The following RCC2 variants were observed in gnomAD, a reference collection of about 807,000 sequenced individuals.
The protein encoded by RCC2 is regulator of chromosome condensation 2, also known as protein RCC2.
Under a neutral mutation model 64.1 loss-of-function variants are expected in RCC2, and 19 were observed. The ratio of observed to expected loss-of-function variants is 0.30; its 90% CI spans 0.21 to 0.44. The LOEUF (loss-of-function observed/expected upper bound fraction) is 0.44. RCC2 is among the 20% of genes least tolerant of loss of function. The pLI is 1.00. For missense variants in RCC2, 508 were observed against 710.4 expected, an observed-to-expected ratio of 0.72 and a Z score of 3.24; for synonymous variants, 325 against 279.6, an observed-to-expected ratio of 1.16 and a Z score of -1.62.
In RCC2 at chr1:17,409,080, T is replaced by C. The variant is rs958710872; in HGVS notation, c.*10A>G. On this transcript the variant is annotated 3_prime_UTR_variant, in exon 13 of 13. Coordinates refer to ENST00000375436, the MANE Select transcript of RCC2 (RefSeq NM_018715.4). ...CGAGAGGTGTGGAGTCGGAGGAGTC[T>C]CCGGGAGCATCAGAGGGTTCGGGGG... The C allele has an allele frequency of 6.3e-7, 1 of 1,590,390 alleles. No individual in the cohort carries two copies. The highest frequency in any genetic ancestry group is 1.3e-5 in the African/African-American group (1 of 74,516).
intron 2 of RCC2, among the ~76,000 whole-genome samples, chr1:17,431,799 A>G (rs918369039): frequency 6.6e-6 from 1 of 151,924 alleles, no homozygotes; most frequent in Non-Finnish European, 1.5e-5. Context: ...TGCAGTCCTC[A>G]TGAAAAGGGG....
intron 7 of RCC2, among the ~76,000 whole-genome samples, chr1:17,418,213 ATTTT>A (rs751372153): frequency 7.8e-6 from 1 of 128,732 alleles, no homozygotes. Flanking sequence ...AGCAGGTTCT[ATTTT>A]TTTTTTTTTT....
chr1:17,424,963 C>T (rs1487100753), intron 4 of RCC2, among the ~76,000 whole-genome samples: 3 of 152,200 alleles, frequency 2.0e-5, no homozygotes, highest in South Asian at 2.1e-4. Context: ...AAGGGAAAGC[C>T]GAACAACTCC....
intron 4 of RCC2, among the ~76,000 whole-genome samples, chr1:17,424,282 G>A (rs931284108): frequency 3.3e-5 from 5 of 152,232 alleles, no homozygotes; most frequent in African/African-American, 7.2e-5. Context: ...GGGATCACAC[G>A]TCTTGATGGC....
intron 8 of RCC2, 112 bp downstream of exon 8, chr1:17,416,368 G>A: frequency 1.6e-6 from 2 of 1,218,844 alleles, no homozygotes; most frequent in African/African-American, 1.5e-5. Flanking sequence ...GAAGCAAGCA[G>A]ATGTCTACCT....
At chr1:17,435,396 C>T (rs1381288518) in intron 2 of RCC2, among the ~76,000 whole-genome samples, 1 of 152,214 alleles carries the variant, frequency 6.6e-6, no homozygotes, top group Non-Finnish European at 1.5e-5. Context: ...CCTAGCAACC[C>T]TGAGCGGGGC....
chr1:17,423,512 C>G (rs1033880890), intron 4 of RCC2, among the ~76,000 whole-genome samples: 16 of 152,220 alleles, frequency 1.1e-4, no homozygotes, highest in Admixed American at 7.2e-4. Context: ...TCTGTGAATT[C>G]CAGCGGAAGG....
chr1:17,415,590 A>ATT (rs2075473898), intron 8 of RCC2, among the ~76,000 whole-genome samples: 1 of 151,876 alleles, frequency 6.6e-6, no homozygotes, highest in Non-Finnish European at 1.5e-5. Flanking sequence ...GGTGCCTCTA[A>ATT]TCCCAGCTAC....
At chr1:17,411,308 G>C (rs2075421908) in intron 11 of RCC2, among the ~76,000 whole-genome samples, 1 of 152,210 alleles carries the variant, frequency 6.6e-6, no homozygotes, top group African/African-American at 2.4e-5. Flanking sequence ...CAGGTGCAGT[G>C]GCTCACGCCT....
chr1:17,438,554 T>C (rs780570780), intron 1 of RCC2, 32 bp from the exon 2 acceptor site: 18 of 1,299,234 alleles, frequency 1.4e-5, no homozygotes, highest in South Asian at 5.7e-5. Flanking sequence ...CGGCGCACAA[T>C]GGACGGGTTA....
In RCC2 at chr1:17,409,080, T is replaced by A. The variant is rs958710872; in HGVS notation, c.*10A>T. On this transcript the variant is annotated 3_prime_UTR_variant, in exon 13 of 13. Coordinates refer to ENST00000375436, the MANE Select transcript of RCC2 (RefSeq NM_018715.4). ...CGAGAGGTGTGGAGTCGGAGGAGTC[T>A]CCGGGAGCATCAGAGGGTTCGGGGG... 6.3e-7 allele frequency: 1 copy of A among 1,590,390 alleles called. No individual in the cohort carries two copies. Among genetic ancestry groups the A allele is most frequent in the Non-Finnish European group, 8.6e-7 (1 of 1,158,458 alleles).
intron 1 of RCC2, among the ~76,000 whole-genome samples, chr1:17,438,905 CT>C (rs901635635): frequency 2.6e-5 from 4 of 152,232 alleles, no homozygotes; most frequent in African/African-American, 9.6e-5. Flanking sequence ...CTTCGGGACA[CT>C]TCCAGGATTC....
chr1:17,438,448 C>T lies in RCC2; in HGVS notation c.67G>A (p.Ala23Thr). 1.5e-6 allele frequency: 2 copies of T among 1,298,666 alleles called. No homozygotes were observed. Among genetic ancestry groups the T allele is most frequent in the African/African-American group, 1.5e-5 (1 of 65,314 alleles). The allele number at this position is 1,298,666 out of a possible 1,614,324, so 80.4% of individuals were successfully genotyped here. ...EPSSGNGTARAGPRKRGGPAG... is the reference protein window; with the variant it reads ...EPSSGNGTARTGPRKRGGPAG... ...GGGCCGCCGCGTTTCCTGGGCCCGG[C>T]GCGGGCAGTGCCGTTGCCCGAGCTC... The change falls in exon 2 of 13, where the codon GCC (alanine) becomes ACC (threonine). Residue 23 changes from alanine (A) to threonine (T), a missense_variant. Transcript: ENST00000375436.
At chr1:17,431,359 A>ATATATATATATATATATAT (rs1265674393) in intron 2 of RCC2, among the ~76,000 whole-genome samples, 10 of 44,932 alleles carry the variant, frequency 2.2e-4, no homozygotes, top group East Asian at 1.8e-3. Flanking sequence ...AAAAAAAAAA[A>ATATATATATATATATATAT]ATATATATAT....
intron 8 of RCC2, among the ~76,000 whole-genome samples, chr1:17,415,093 G>C (rs1486469056): frequency 2.0e-5 from 3 of 152,182 alleles, no homozygotes; most frequent in Non-Finnish European, 4.4e-5. Flanking sequence ...CTAAACCATG[G>C]GAATCTACAA....
In RCC2 at chr1:17,420,735, A is replaced by T; in HGVS notation, c.838T>A (p.Cys280Ser). 2 of 1,604,036 alleles carry T rather than the reference A, an allele frequency of 1.2e-6. No homozygotes were observed. Among genetic ancestry groups the T allele is most frequent in the South Asian group, 2.3e-5 (2 of 88,714 alleles). ...DCKGNLYSFG[C>S]PEYGQLGHNS... ...ATACCCAGCTGACCATATTCAGGGC[A>T]CCCAAAGGAATAGAGGTTTCCTTTG... The change falls in exon 7 of 13, where the codon TGC becomes AGC. Residue 280 changes from cysteine (C) to serine (S), a missense_variant. Cys to Ser is a moderately radical substitution (Grantham distance 112). Coordinates refer to ENST00000375436, the MANE Select transcript of RCC2 (RefSeq NM_018715.4).
At position 17,438,243 on chromosome 1, in the gene RCC2, G is replaced by T. The variant is rs748459544; in HGVS notation, c.272C>A (p.Thr91Asn). The T allele has an allele frequency of 1.5e-6, 2 of 1,323,566 alleles. No homozygotes were observed. 82.0% of individuals were successfully genotyped at this position (1,323,566 alleles called of 1,614,324 possible). The change falls in exon 2 of 13, where the codon ACC becomes AAC. Residue 91 changes from threonine (T) to asparagine (N), a missense_variant. Physicochemically the swap from Thr to Asn is moderately conservative, Grantham distance 65 (BLOSUM62 0). Coordinates refer to ENST00000375436, the MANE Select transcript of RCC2 (RefSeq NM_018715.4). Reference sequence around the variant, plus strand: ...ACCCTCACTCACGACGCGCTCCTTGGTGTGCTCGGGTTCGGTGATGACCAC... The same window carrying T: ...ACCCTCACTCACGACGCGCTCCTTGTTGTGCTCGGGTTCGGTGATGACCAC... ...AAVVITEPEH[T>N]KERVKLEGSK...
At position 17,420,746 on chromosome 1, in the gene RCC2, T is replaced by A; in HGVS notation, c.827A>T (p.Tyr276Phe). The change falls in exon 7 of 13, where the codon TAT becomes TTT. Residue 276 changes from tyrosine to phenylalanine, a missense_variant. By Grantham distance (22) the Tyr-to-Phe change is conservative. Transcript: ENST00000375436. ...SMIMDCKGNL[Y>F]SFGCPEYGQL... ...ACCATATTCAGGGCACCCAAAGGAA[T>A]AGAGGTTTCCTTTGCAGTCCATTAT... The A allele has an allele frequency of 3.7e-6, 6 of 1,608,844 alleles. No individual in the cohort carries two copies. Among genetic ancestry groups the A allele is most frequent in the Non-Finnish European group, 5.1e-6 (6 of 1,178,524 alleles).
intron 3 of RCC2, among the ~76,000 whole-genome samples, chr1:17,427,913 G>GCCT (rs1463676893): frequency 6.6e-6 from 1 of 152,160 alleles, no homozygotes; most frequent in Admixed American, 6.5e-5. Context: ...AATTCCCACG[G>GCCT]CCTCCGGATC....
Sources: allele counts gnomAD v4.1 joint callset (sites outside exome capture counted in the v4.1 genomes callset), GRCh38; gene constraint gnomAD v4.1.1; transcripts MANE v1.5; gene names NCBI Gene and HGNC (gene_info 2026-07-23, HGNC 2026-07-21).